CNTNAP2: variants seen among roughly 807,000 people sequenced by gnomAD.
CNTNAP2 encodes contactin-associated protein-like 2.
CNTNAP2 carries 98 observed loss-of-function variants against 155.2 expected under a neutral mutation model. The observed-to-expected ratio is 0.63, with a 90% CI of 0.54 to 0.75. The LOEUF (loss-of-function observed/expected upper bound fraction) is 0.75. CNTNAP2 is among the 30% of genes least tolerant of loss of function. The pLI is 0.00. For synonymous variants in CNTNAP2, 651 were observed against 631.2 expected, an observed-to-expected ratio of 1.03 and a Z score of -0.47; for missense variants, 1,727 against 1,688.1, an observed-to-expected ratio of 1.02 and a Z score of -0.40.
chr7:146,654,064 G>A (rs1268029234), intron 1 of CNTNAP2, among the ~76,000 whole-genome samples: 1 of 151,972 alleles, frequency 6.6e-6, no homozygotes, highest in African/African-American at 2.4e-5. Context: ...GGCTTGGTTT[G>A]TAAAGCTGAG....
At chr7:147,312,403 C>T (rs546010345) in intron 9 of CNTNAP2, among the ~76,000 whole-genome samples, 7 of 146,578 alleles carry the variant, frequency 4.8e-5, no homozygotes, top group Admixed American at 2.7e-4. Context: ...TAATGCTAAC[C>T]GTCCCCCCTC....
Position 148,118,167 on chromosome 7 carries a change from C to T in CNTNAP2, c.2433C>T (p.His811=). The part of the protein sequence containing the change: ...ASFPNPSSYL[H]FSTFQGETSA... ...TCCCAAACCCATCCTCCTACCTGCA[C>T]TTCTCTACTTTCCAAGGGGAAACTA... The change falls in exon 16 of 24, where the codon CAC becomes CAT. Residue 811 remains histidine, a synonymous_variant. Coordinates refer to ENST00000361727, the MANE Select transcript of CNTNAP2 (RefSeq NM_014141.6). The T allele has an allele frequency of 1.9e-6, 3 of 1,614,194 alleles. No individual in the cohort carries two copies. The highest frequency in any genetic ancestry group is 2.5e-6 in the Non-Finnish European group (3 of 1,180,034).
intron 13 of CNTNAP2, among the ~76,000 whole-genome samples, chr7:147,706,124 TTC>T (rs1389441636): frequency 1.3e-5 from 2 of 152,020 alleles, no homozygotes; most frequent in Non-Finnish European, 2.9e-5. Context: ...TGTCTTTTGA[TTC>T]TCTTTCTCTC....
intron 3 of CNTNAP2, among the ~76,000 whole-genome samples, chr7:146,855,118 T>C (rs1460640507): frequency 6.6e-6 from 1 of 152,080 alleles, no homozygotes. Context: ...AAATACAAAT[T>C]AATCCTCTAT....
chr7:148,106,493 G>GATAGATATATATATATATATAT lies in CNTNAP2; in HGVS notation c.2384-11622_2384-11621insGATATATATATATATATATATA, dbSNP rs1490418389. Among the ~76,000 whole-genome samples, 76 of 124,908 alleles carry GATAGATATATATATATATATAT rather than the reference G, an allele frequency of 6.1e-4. 1 individual carries two copies. The highest frequency in any genetic ancestry group is 3.8e-3 in the Middle Eastern group (1 of 262). 81.9% of individuals were successfully genotyped at this position (124,908 alleles called of 152,430 possible). A position where few individuals can be genotyped will look rare whatever the true frequency, so the allele number is the denominator to read the frequency against. ...CACTTCAGTGTACTGCACACTTTGAGATATATATATATATATATATATATA... is the reference window on the plus strand; with the variant it reads ...CACTTCAGTGTACTGCACACTTTGAGATAGATATATATATATATATATATATATATATATATATATATATATA... On this transcript the variant is annotated intron_variant, in intron 15 of 23. Coordinates refer to ENST00000361727, the MANE Select transcript of CNTNAP2 (RefSeq NM_014141.6).
chr7:148,395,121 C>G (rs1336238495), intron 22 of CNTNAP2, among the ~76,000 whole-genome samples: 1 of 123,980 alleles, frequency 8.1e-6, no homozygotes, highest in Admixed American at 7.7e-5. Flanking sequence ...TTCTGTTGAC[C>G]CCCCCCCCTT....
At chr7:146,231,807 C>T (rs1799390550) in intron 1 of CNTNAP2, among the ~76,000 whole-genome samples, 2 of 152,100 alleles carry the variant, frequency 1.3e-5, no homozygotes, top group African/African-American at 4.8e-5. Flanking sequence ...TGGAAGAATT[C>T]CCTGGAAAGG....
chr7:146,936,500 G>A (rs1008991402), intron 3 of CNTNAP2, among the ~76,000 whole-genome samples: 2 of 152,170 alleles, frequency 1.3e-5, no homozygotes, highest in Non-Finnish European at 2.9e-5. Flanking sequence ...GATGAATAAA[G>A]TTTTGGCCAA....
At chr7:147,539,140 T>C (rs1038723351) in intron 11 of CNTNAP2, among the ~76,000 whole-genome samples, 10 of 152,166 alleles carry the variant, frequency 6.6e-5, no homozygotes, top group African/African-American at 2.4e-4. Context: ...CACATATATA[T>C]ACATATATCA....
intron 1 of CNTNAP2, among the ~76,000 whole-genome samples, chr7:146,753,760 G>C (rs574619135): frequency 2.5e-4 from 38 of 151,988 alleles, no homozygotes; most frequent in African/African-American, 8.4e-4. Context: ...TTATTTACCA[G>C]TTCTCTTGTA....
At chr7:147,063,711 A>G (rs1799726697) in intron 4 of CNTNAP2, among the ~76,000 whole-genome samples, 1 of 152,148 alleles carries the variant, frequency 6.6e-6, no homozygotes, top group Non-Finnish European at 1.5e-5. Context: ...TATATTTGCA[A>G]AGAAGACTCA....
At chr7:147,010,007 CTTTTTTTTTTT>C (rs67223892) in intron 3 of CNTNAP2, among the ~76,000 whole-genome samples, 1 of 123,724 alleles carries the variant, frequency 8.1e-6, no homozygotes, top group East Asian at 2.4e-4. Context: ...TATCTTGGTT[CTTTTTTTTTTT>C]TTTTTTTTTG....
At chr7:146,524,729 A>T (rs1346220054) in intron 1 of CNTNAP2, among the ~76,000 whole-genome samples, 1 of 152,128 alleles carries the variant, frequency 6.6e-6, no homozygotes, top group Non-Finnish European at 1.5e-5. Flanking sequence ...TCTTTAGGAG[A>T]TATAAGAACA....
chr7:146,787,251 G>A (rs1002765925), intron 2 of CNTNAP2, among the ~76,000 whole-genome samples: 3 of 152,164 alleles, frequency 2.0e-5, no homozygotes, highest in Admixed American at 6.5e-5. Flanking sequence ...AGGTGTACAG[G>A]CTTCTATGGT....
chr7:147,179,419 G>A (rs1191243144), intron 8 of CNTNAP2, among the ~76,000 whole-genome samples: 1 of 152,134 alleles, frequency 6.6e-6, no homozygotes, highest in African/African-American at 2.4e-5. Context: ...GCAAATATTG[G>A]AGGAAGAAAA....
intron 1 of CNTNAP2, among the ~76,000 whole-genome samples, chr7:146,603,876 G>A (rs1426426083): frequency 3.5e-5 from 5 of 144,434 alleles, no homozygotes; most frequent in South Asian, 4.6e-4. Flanking sequence ...CCATATGTAG[G>A]AAGCTGAAAC....
At chr7:147,669,214 C>T (rs1032401138) in intron 13 of CNTNAP2, among the ~76,000 whole-genome samples, 1 of 148,510 alleles carries the variant, frequency 6.7e-6, no homozygotes, top group African/African-American at 2.5e-5. Flanking sequence ...CATACCCCCA[C>T]TGTTAAGGGA....
intron 17 of CNTNAP2, among the ~76,000 whole-genome samples, chr7:148,165,500 C>G (rs898410137): frequency 6.6e-6 from 1 of 152,162 alleles, no homozygotes; most frequent in Admixed American, 6.5e-5. Context: ...CAACTATGTG[C>G]TTCTATAGAA....
intron 1 of CNTNAP2, among the ~76,000 whole-genome samples, chr7:146,645,652 A>T (rs1181995025): frequency 6.6e-6 from 1 of 152,182 alleles, no homozygotes; most frequent in Non-Finnish European, 1.5e-5. Context: ...AGATATATTT[A>T]TTCACATACC....
Sources: allele counts gnomAD v4.1 joint callset (sites outside exome capture counted in the v4.1 genomes callset), GRCh38; gene constraint gnomAD v4.1.1; transcripts MANE v1.5; gene names NCBI Gene and HGNC (gene_info 2026-07-23, HGNC 2026-07-21).